Variants in DMD observed in about 807,000 individuals in gnomAD.
The protein encoded by DMD is dystrophin, also known as mutant dystrophin.
In DMD, 63 loss-of-function variants were observed where a neutral mutation model predicts 330.1. That is an observed-to-expected ratio of 0.19 (90% CI 0.16 to 0.24). The LOEUF is 0.24. Ranked by LOEUF, DMD falls within the 10% of genes least tolerant of loss-of-function variation. DMD has a pLI of 1.00. For missense variants in DMD, 3,344 were observed against 2,684.1 expected (o/e 1.25, Z -5.43); for synonymous variants, 1,223 against 959.8 (o/e 1.27, Z -5.07).
intron 13 of DMD, among the ~76,000 whole-genome samples, chrX:32,590,790 C>T (rs2054820771): frequency 9.0e-6 from 1 of 111,295 alleles, no homozygotes; most frequent in South Asian, 3.8e-4. Flanking sequence ...GGCTTTTGGA[C>T]TTGGACTGCA....
intron 47 of DMD, among the ~76,000 whole-genome samples, chrX:31,897,743 G>T (rs1272625677): frequency 9.9e-6 from 1 of 101,192 alleles, no homozygotes; most frequent in Admixed American, 1.1e-4. Context: ...GTCTGTTCAT[G>T]TCCTTCGCCC....
intron 51 of DMD, among the ~76,000 whole-genome samples, chrX:31,734,986 G>A (rs776752574): frequency 1.5e-4 from 17 of 111,445 alleles, no homozygotes; most frequent in Middle Eastern, 4.7e-3. Flanking sequence ...ACTGACTGAG[G>A]ACTCCTGTTA....
rs2056817358 is a variant in DMD, at chrX:31,326,830, T to C, written c.9164-3172A>G. On this transcript the variant is annotated intron_variant, in intron 61 of 78. Transcript: ENST00000357033. ...CATCTATTCAAAAGTTGATCAAATATGTGGCAGTGCTCACAAGTGTGCCAC... is the reference window on the plus strand; with the variant it reads ...CATCTATTCAAAAGTTGATCAAATACGTGGCAGTGCTCACAAGTGTGCCAC... Among the ~76,000 whole-genome samples, 3 of 111,898 alleles carry C rather than the reference T, an allele frequency of 2.7e-5. No homozygotes were observed. In the South Asian group the frequency reaches 1.1e-3, roughly 42 times the overall value.
At chrX:31,409,652 T>C (rs2061553184) in intron 60 of DMD, among the ~76,000 whole-genome samples, 1 of 112,273 alleles carries the variant, frequency 8.9e-6, no homozygotes, top group Non-Finnish European at 1.9e-5. Context: ...AGCAGTCTTC[T>C]ACATAGGAAC....
At chrX:31,194,420 T>C (rs1419025054) in intron 67 of DMD, among the ~76,000 whole-genome samples, 3 of 112,154 alleles carry the variant, frequency 2.7e-5, no homozygotes, top group Non-Finnish European at 3.8e-5. Flanking sequence ...TGTTAGAGAA[T>C]GTCATCCTTT....
chrX:31,486,228 C>T (rs2068795242), intron 57 of DMD, among the ~76,000 whole-genome samples: 1 of 112,532 alleles, frequency 8.9e-6, no homozygotes, highest in East Asian at 2.8e-4. Context: ...CATAGCTTGG[C>T]ATATAGTAAA....
intron 1 of DMD, among the ~76,000 whole-genome samples, chrX:33,086,360 C>A (rs1428207920): frequency 1.8e-5 from 2 of 111,517 alleles, no homozygotes; most frequent in Non-Finnish European, 3.8e-5. Context: ...TGAAATGTGA[C>A]TATGTAATTA....
chrX:32,757,479 T>A (rs1243724010), intron 7 of DMD, among the ~76,000 whole-genome samples: 1 of 111,546 alleles, frequency 9.0e-6, no homozygotes, highest in Non-Finnish European at 1.9e-5. Flanking sequence ...AAATCTTGAA[T>A]TGTAGCTCCC....
intron 44 of DMD, among the ~76,000 whole-genome samples, chrX:32,035,105 G>C (rs1249457971): frequency 9.0e-6 from 1 of 111,188 alleles, no homozygotes; most frequent in African/African-American, 3.3e-5. Context: ...CCCATCTTAG[G>C]GAGTTTAAGA....
Position 32,485,733 on chromosome X carries a change from G to A in DMD, c.2623-634C>T, listed in dbSNP as rs1603634623. Among the ~76,000 whole-genome samples, 2 of 28,963 alleles carry A rather than the reference G, an allele frequency of 6.9e-5. 1 individual carries two copies. The highest frequency in any genetic ancestry group is 5.6e-3 in the South Asian group (2 of 356). 25.2% of individuals were successfully genotyped at this position (28,963 alleles called of 115,157 possible). On this transcript the variant is annotated intron_variant, in intron 20 of 78. Transcript: ENST00000357033. ...TCTCCTGACCAAACAGGCAACCACT[G>A]CTTTTTTTTTTTTTTTTTTTTTTTT...
At chrX:31,272,798 A>AT (rs2051762631) in intron 62 of DMD, among the ~76,000 whole-genome samples, 1 of 112,441 alleles carries the variant, frequency 8.9e-6, no homozygotes, top group African/African-American at 3.2e-5. Context: ...TCTTGACTCC[A>AT]TAAGGGAGGT....
intron 6 of DMD, among the ~76,000 whole-genome samples, chrX:32,813,680 G>C (rs746542063): frequency 9.0e-6 from 1 of 111,549 alleles, no homozygotes; most frequent in Non-Finnish European, 1.9e-5. Context: ...TTACAGAACT[G>C]ATATAAATGT....
chrX:32,280,094 GTA>G (rs1341522543), intron 43 of DMD, among the ~76,000 whole-genome samples: 3 of 93,291 alleles, frequency 3.2e-5, no homozygotes, highest in Non-Finnish European at 4.2e-5. Flanking sequence ...TTTATATATA[GTA>G]TATGTTTATA....
chrX:32,132,993 C>CTTTTCTTTTTTTTTTTTTTTTTTTTTTTT (rs2096705124), intron 44 of DMD, among the ~76,000 whole-genome samples: 9 of 76,004 alleles, frequency 1.2e-4, no homozygotes, highest in African/African-American at 6.2e-4. Flanking sequence ...CTTTTCTTTT[C>CTTTTCTTTTTTTTTTTTTTTTTTTTTTTT]TTTTTTTTTT....
intron 1 of DMD, among the ~76,000 whole-genome samples, chrX:33,190,076 T>A: frequency 8.9e-6 from 1 of 112,003 alleles, no homozygotes; most frequent in South Asian, 3.7e-4. Flanking sequence ...TGTTATAATT[T>A]ATCTTCTCTG....
At chrX:31,758,048 C>A (rs915038272) in intron 51 of DMD, among the ~76,000 whole-genome samples, 4 of 110,610 alleles carry the variant, frequency 3.6e-5, no homozygotes, top group Non-Finnish European at 7.6e-5. Flanking sequence ...CAAGAACACT[C>A]CTAAATAGAC....
intron 41 of DMD, among the ~76,000 whole-genome samples, chrX:32,335,981 TTATATATAACGTG>T (rs771759553): frequency 0.19 from 8,659 of 46,563 alleles, 395 homozygotes; most frequent in Non-Finnish European, 0.29. Flanking sequence ...GTATAACATG[TTATATATAACGTG>T]TATATATAAC....
intron 7 of DMD, among the ~76,000 whole-genome samples, chrX:32,805,129 A>G (rs749377888): frequency 4.5e-5 from 5 of 112,113 alleles, no homozygotes; most frequent in South Asian, 7.5e-4. Flanking sequence ...ACGAATTGAC[A>G]TAAGTAGGCT....
intron 1 of DMD, among the ~76,000 whole-genome samples, chrX:33,238,979 G>A (rs761369241): frequency 2.7e-5 from 3 of 110,632 alleles, no homozygotes; most frequent in East Asian, 2.9e-4. Flanking sequence ...AATACTGGCC[G>A]GGTGTGGTGG....
Sources: allele counts gnomAD v4.1 joint callset (sites outside exome capture counted in the v4.1 genomes callset), GRCh38; gene constraint gnomAD v4.1.1; transcripts MANE v1.5; gene names NCBI Gene and HGNC (gene_info 2026-07-23, HGNC 2026-07-21).